ANKRD6: variants seen among roughly 807,000 people sequenced by gnomAD.
ANKRD6 encodes the protein ankyrin repeat domain-containing protein 6.
In ANKRD6, 56 loss-of-function variants were observed where a neutral mutation model predicts 82.3. The ratio of observed to expected loss-of-function variants is 0.68; its 90% CI spans 0.55 to 0.85. The LOEUF is 0.85. Ranked by LOEUF, ANKRD6 falls within the 40% of genes least tolerant of loss-of-function variation. The pLI is 0.00. For synonymous variants in ANKRD6, 347 were observed against 352.1 expected (o/e 0.99, Z 0.16); for missense variants, 852 against 907.6 (o/e 0.94, Z 0.79).
intron 8 of ANKRD6, 98 bp downstream of exon 8, chr6:89,616,755 T>A (rs1801683463): frequency 2.5e-6 from 3 of 1,179,438 alleles, no homozygotes; most frequent in African/African-American, 3.0e-5. Context: ...CCCAGCGCAC[T>A]CTGGAAGACG....
At chr6:89,465,387 C>T (rs1774727835) in intron 1 of ANKRD6, among the ~76,000 whole-genome samples, 1 of 151,926 alleles carries the variant, frequency 6.6e-6, no homozygotes, top group Admixed American at 6.6e-5. Flanking sequence ...TCCCAAAGTG[C>T]AGGGATTACA....
chr6:89,586,564 G>T (rs1194488165), intron 2 of ANKRD6, among the ~76,000 whole-genome samples: 1 of 152,140 alleles, frequency 6.6e-6, no homozygotes, highest in African/African-American at 2.4e-5. Context: ...TCACATGCCT[G>T]TAATCCCAGC....
chr6:89,480,818 T>G (rs1582835898), intron 1 of ANKRD6, among the ~76,000 whole-genome samples: 1 of 150,592 alleles, frequency 6.6e-6, no homozygotes, highest in East Asian at 1.9e-4. Context: ...GGTGCATGCC[T>G]GTAGTTTCAG....
chr6:89,587,469 C>G (rs1479399500), intron 2 of ANKRD6, among the ~76,000 whole-genome samples: 1 of 152,160 alleles, frequency 6.6e-6, no homozygotes, highest in Non-Finnish European at 1.5e-5. Context: ...AGTCTGGCGA[C>G]AGAGCGAGAC....
intron 1 of ANKRD6, among the ~76,000 whole-genome samples, chr6:89,534,724 A>G (rs781271673): frequency 3.9e-5 from 6 of 152,162 alleles, no homozygotes; most frequent in African/African-American, 7.2e-5. Flanking sequence ...TGGAGCTCTC[A>G]TGGGGATGAG....
intron 1 of ANKRD6, among the ~76,000 whole-genome samples, chr6:89,523,889 T>G (rs1468630479): frequency 6.6e-6 from 1 of 152,150 alleles, no homozygotes; most frequent in Admixed American, 6.6e-5. Flanking sequence ...AGAATAATCC[T>G]AACAGCAAAT....
At chr6:89,492,240 C>G (rs953446944) in intron 1 of ANKRD6, among the ~76,000 whole-genome samples, 3 of 152,176 alleles carry the variant, frequency 2.0e-5, no homozygotes, top group Admixed American at 2.0e-4. Flanking sequence ...AGGGAGCAGC[C>G]TGGCCTGAGC....
rs1025291757 is a variant in ANKRD6, at chr6:89,633,714, T to C, written c.*2710T>C. Reference sequence around the variant, plus strand: ...TTGTTTGTGGAGTCAAGTGTTGATATACTTGAGGCATGTTATGTGTCTTCT... The same window carrying C: ...TTGTTTGTGGAGTCAAGTGTTGATACACTTGAGGCATGTTATGTGTCTTCT... On this transcript the variant is annotated 3_prime_UTR_variant, in exon 16 of 16. Transcript: ENST00000339746. 1 of 152,266 alleles carries C rather than the reference T, an allele frequency of 6.6e-6. No individual in the cohort carries two copies. Among genetic ancestry groups the C allele is most frequent in the Non-Finnish European group, 1.5e-5 (1 of 68,044 alleles). 9.4% of individuals were successfully genotyped at this position (152,266 alleles called of 1,614,324 possible).
At chr6:89,545,741 A>G (rs1398305693) in intron 1 of ANKRD6, among the ~76,000 whole-genome samples, 1 of 152,192 alleles carries the variant, frequency 6.6e-6, no homozygotes, top group African/African-American at 2.4e-5. Flanking sequence ...AATAGCAATA[A>G]TAATCATGGC....
intron 4 of ANKRD6, among the ~76,000 whole-genome samples, chr6:89,603,980 C>T (rs541583258): frequency 1.1e-3 from 163 of 152,216 alleles, no homozygotes; most frequent in African/African-American, 3.7e-3. Context: ...CCAGCCTGGA[C>T]GACAGAGTGA....
chr6:89,564,077 C>T (rs1299353976), intron 1 of ANKRD6, among the ~76,000 whole-genome samples: 1 of 152,192 alleles, frequency 6.6e-6, no homozygotes, highest in Non-Finnish European at 1.5e-5. Flanking sequence ...GATTACTGGG[C>T]TTAAATTGAA....
At chr6:89,440,150 A>T (rs1771188050) in intron 1 of ANKRD6, among the ~76,000 whole-genome samples, 1 of 152,256 alleles carries the variant, frequency 6.6e-6, no homozygotes, top group Non-Finnish European at 1.5e-5. Context: ...ATGGAAGTTT[A>T]TTAACATGCA....
intron 2 of ANKRD6, among the ~76,000 whole-genome samples, chr6:89,578,271 T>C (rs370588850): frequency 8.7e-5 from 13 of 148,766 alleles, no homozygotes; most frequent in Admixed American, 3.4e-4. Context: ...ATTAGCTTTT[T>C]CCCCCTCCCG....
At chr6:89,627,760 C>G (rs1806200619) in intron 14 of ANKRD6, 64 bp downstream of exon 14, 1 of 1,464,400 alleles carries the variant, frequency 6.8e-7, no homozygotes, top group Non-Finnish European at 9.4e-7. Context: ...TGAGCTCAGG[C>G]AGGCCTGCCA....
intron 1 of ANKRD6, among the ~76,000 whole-genome samples, chr6:89,481,582 G>T (rs923155263): frequency 2.6e-5 from 4 of 152,212 alleles, no homozygotes; most frequent in Admixed American, 2.6e-4. Context: ...CACATGTCAT[G>T]TGCATTTCCT....
intron 6 of ANKRD6, among the ~76,000 whole-genome samples, chr6:89,613,575 C>T (rs781657123): frequency 2.0e-5 from 3 of 152,162 alleles, no homozygotes; most frequent in African/African-American, 4.8e-5. Context: ...TCTGTGACCA[C>T]GTGGTTGTTC....
chr6:89,625,646 C>T (rs374428694), intron 13 of ANKRD6, among the ~76,000 whole-genome samples: 2 of 151,944 alleles, frequency 1.3e-5, no homozygotes, highest in African/African-American at 4.8e-5. Flanking sequence ...ACACTTTCAA[C>T]TTCATAACAA....
intron 1 of ANKRD6, among the ~76,000 whole-genome samples, chr6:89,460,851 G>C (rs368575155): frequency 4.6e-5 from 7 of 151,662 alleles, no homozygotes; most frequent in Admixed American, 3.3e-4. Flanking sequence ...AATTATCTCA[G>C]AGTCACCATA....
At chr6:89,586,269 G>T (rs373749460) in intron 2 of ANKRD6, among the ~76,000 whole-genome samples, 8 of 152,290 alleles carry the variant, frequency 5.3e-5, no homozygotes, top group African/African-American at 1.9e-4. Context: ...TTCCTGAAAA[G>T]GCAGTGATTC....
Sources: gnomAD v4.1 joint callset for allele counts (sites outside exome capture counted in the v4.1 genomes callset) on GRCh38, gnomAD v4.1.1 for gene constraint, MANE v1.5 for transcripts, NCBI Gene and HGNC (gene_info 2026-07-23, HGNC 2026-07-21) for gene names.